Variants in IZUMO2 observed in about 807,000 individuals in gnomAD.
IZUMO2 encodes the protein izumo sperm-egg fusion protein 2.
Under a neutral mutation model 31.2 loss-of-function variants are expected in IZUMO2, and 24 were observed. The ratio of observed to expected loss-of-function variants is 0.77; its 90% confidence interval spans 0.56 to 1.08. The LOEUF is 1.08. IZUMO2 is among the 50% of genes least tolerant of loss of function. The pLI is 0.00. For missense variants in IZUMO2, 278 were observed against 274.0 expected (o/e 1.01, Z -0.10); for synonymous variants, 144 against 117.3 (o/e 1.23, Z -1.47).
chr19:50,161,916 C>T (rs568364587), intron 2 of IZUMO2, among the ~76,000 whole-genome samples: 1 of 152,218 alleles, frequency 6.6e-6, no homozygotes, highest in South Asian at 2.1e-4. Flanking sequence ...CCGCTCCCCC[C>T]CAAAAAAATT....
At chr19:50,160,245 G>A (rs1297572485) in intron 2 of IZUMO2, 6 of 152,164 alleles carry the variant, frequency 3.9e-5, no homozygotes, top group Admixed American at 3.9e-4. Context: ...GTAGCCACTA[G>A]CCACACATGG....
At chr19:50,158,126 T>C in intron 5 of IZUMO2, 142 bp downstream of exon 5, 1 of 475,114 alleles carries the variant, frequency 2.1e-6, no homozygotes, top group Admixed American at 4.1e-5. Flanking sequence ...CAGGAGCAAC[T>C]TCTGGGCCAC....
At chr19:50,152,770 C>T in intron 6 of IZUMO2, 119 bp from the exon 7 acceptor site, 1 of 860,586 alleles carries the variant, frequency 1.2e-6, no homozygotes, top group Non-Finnish European at 1.9e-6. Flanking sequence ...TTTGGCTCAT[C>T]CAGTGACGTC....
At position 50,162,990 on chromosome 19, in the gene IZUMO2, C is replaced by T. The variant is rs1417194030; in HGVS notation, c.205G>A (p.Ala69Thr). The change falls in exon 1 of 7, where the codon GCG becomes ACG. Residue 69 changes from alanine to threonine, a missense_variant. By Grantham distance (58) the Ala-to-Thr change is moderately conservative. Coordinates refer to ENST00000293405, the MANE Select transcript of IZUMO2 (RefSeq NM_152358.3). ...GMEGPFFRDY[A>T]LNVFVGKVET... The stretch of plus-strand genomic sequence containing the variant: ...ACTTTCCCCACAAACACGTTCAGCG[C>T]GTAGTCCCGGAAGAAAGGCCCCTCC... The T allele has an allele frequency of 2.5e-6, 4 of 1,612,224 alleles. No homozygotes were observed. Among genetic ancestry groups the T allele is most frequent in the Non-Finnish European group, 3.4e-6 (4 of 1,179,102 alleles).
At position 50,162,997 on chromosome 19, in the gene IZUMO2, C is replaced by T. The variant is rs1257794430; in HGVS notation, c.198G>A (p.Arg66=). ...CCACAAACACGTTCAGCGCGTAGTC[C>T]CGGAAGAAAGGCCCCTCCATGCCCA... ...VLMGMEGPFF[R]DYALNVFVGK... is the part of the protein sequence containing the mutation. Residue 66 remains arginine, a synonymous_variant, in exon 1 of 7, where the codon CGG becomes CGA. Transcript: ENST00000293405. 1.2e-6 allele frequency: 2 copies of T among 1,611,724 alleles called. No homozygotes were observed. The highest frequency in any genetic ancestry group is 2.7e-5 in the African/African-American group (2 of 74,832).
rs149521519 is a variant in IZUMO2 at position 50,155,904 on chromosome 19, C to T, written c.497-1178G>A. On this transcript the variant is annotated intron_variant, in intron 5 of 6. Coordinates refer to ENST00000293405, the MANE Select transcript of IZUMO2 (RefSeq NM_152358.3). ...ACCCTACTATTCTCTTTCATTCACT[C>T]GGCTCTGGCCACACTGGCCTTCTCC... Among the ~76,000 whole-genome samples, 633 of 152,324 alleles carry T rather than the reference C, an allele frequency of 4.2e-3. 5 individuals are homozygous for T. Among genetic ancestry groups the T allele is most frequent in the African/African-American group, 0.015 (610 of 41,566 alleles).
rs1422496251 is a variant in IZUMO2 at position 50,163,173 on chromosome 19, G to A, written c.22C>T (p.Leu8=). 1 of 1,555,498 alleles carries A rather than the reference G, an allele frequency of 6.4e-7. No individual in the cohort carries two copies. MPLALTL[L]LLSGLGAPGG... ...GGGGCGCCCAAGCCCGAGAGCAGCAGAAGGGTCAAAGCCAGAGGCATGGCG... is the reference window on the plus strand; with the variant it reads ...GGGGCGCCCAAGCCCGAGAGCAGCAAAAGGGTCAAAGCCAGAGGCATGGCG... Residue 8 remains leucine, a synonymous_variant, in exon 1 of 7, where the codon CTG becomes TTG. Coordinates refer to ENST00000293405, the MANE Select transcript of IZUMO2 (RefSeq NM_152358.3).
At chr19:50,157,588 C>T (rs1052987229) in intron 5 of IZUMO2, among the ~76,000 whole-genome samples, 1 of 149,492 alleles carries the variant, frequency 6.7e-6, no homozygotes, top group Non-Finnish European at 1.5e-5. Context: ...AGGCGTGAGC[C>T]ACTGCATGTT....
At chr19:50,154,872 T>G in intron 5 of IZUMO2, 146 bp from the exon 6 acceptor site, 1 of 816,892 alleles carries the variant, frequency 1.2e-6, no homozygotes, top group South Asian at 1.8e-5. Context: ...TTCCCTGCCC[T>G]CTCCTGGGGT....
In IZUMO2 at chr19:50,152,576, A is replaced by T. The variant is rs2030062362; in HGVS notation, c.*33T>A. On this transcript the variant is annotated 3_prime_UTR_variant, in exon 7 of 7. Transcript: ENST00000293405. ...ATTTGTCACCAATTTTATTAAATTT[A>T]TTTTCCTTTCTCCTTACCCCCAAAC... 2 of 1,590,706 alleles carry T rather than the reference A, an allele frequency of 1.3e-6. No homozygotes were observed. Among genetic ancestry groups the T allele is most frequent in the Non-Finnish European group, 1.7e-6 (2 of 1,158,902 alleles).
chr19:50,162,793 C>A lies in IZUMO2; in HGVS notation c.253G>T (p.Val85Leu), dbSNP rs1600816636. The change falls in exon 2 of 7, where the codon GTG becomes TTG. Residue 85 changes from valine (V) to leucine (L), a missense_variant. Physicochemically the swap from Val to Leu is conservative, Grantham distance 32 (BLOSUM62 1). Transcript: ENST00000293405. The part of the protein sequence containing the change: ...GKVETNQLDL[V>L]ASFVKNQTQH... Reference sequence around the variant, plus strand: ...GTTTGGTTCTTGACAAAGGACGCCACAAGGTCCAGTTGATTTGTCTCTGGG... The same window carrying A: ...GTTTGGTTCTTGACAAAGGACGCCAAAAGGTCCAGTTGATTTGTCTCTGGG... 6.2e-7 allele frequency: 1 copy of A among 1,613,930 alleles called. No homozygotes were observed. The highest frequency in any genetic ancestry group is 1.1e-5 in the South Asian group (1 of 91,080).
rs1222907220 is a variant in IZUMO2 at position 50,163,047 on chromosome 19, G to T, written c.148C>A (p.Gln50Lys). The change falls in exon 1 of 7, where the codon CAG becomes AAG. Residue 50 changes from glutamine (Q) to lysine (K), a missense_variant. Gln to Lys is a moderately conservative substitution (Grantham distance 53). Coordinates refer to ENST00000293405, the MANE Select transcript of IZUMO2 (RefSeq NM_152358.3). Reference protein sequence around the residue: ...IPSRFQLEQLQARAGAVLMGM... With the variant: ...IPSRFQLEQLKARAGAVLMGM... ...ATCAGCACGGCCCCGGCGCGCGCCTGCAGCTGCTCCAACTGGAAGCGACTG... is the reference window on the plus strand; with the variant it reads ...ATCAGCACGGCCCCGGCGCGCGCCTTCAGCTGCTCCAACTGGAAGCGACTG... 3 of 1,612,968 alleles carry T rather than the reference G, an allele frequency of 1.9e-6. No individual in the cohort carries two copies. The highest frequency in any genetic ancestry group is 2.5e-6 in the Non-Finnish European group (3 of 1,179,236).
chr19:50,158,278 CT>C lies in IZUMO2; in HGVS notation c.485del (p.Lys162SerfsTer67). 6.2e-7 allele frequency: 1 copy of C among 1,608,578 alleles called. No individual in the cohort carries two copies. The highest frequency in any genetic ancestry group is 2.2e-5 in the East Asian group (1 of 44,504). ...QRITPKCIHK[K>X]YCFVDRQPRV... ...CCCCCAGAAGCTTACCAAAGCAGTA[CT>C]TTTTGTGGATACACTTGGGAGTGAT... On this transcript the variant is annotated frameshift_variant, in exon 5 of 7. Transcript: ENST00000293405. LOFTEE classifies it high-confidence loss of function.
intron 5 of IZUMO2, among the ~76,000 whole-genome samples, chr19:50,155,423 G>C (rs1472740117): frequency 1.3e-5 from 2 of 152,156 alleles, no homozygotes; most frequent in Non-Finnish European, 2.9e-5. Flanking sequence ...ACAAAAACCA[G>C]AGACACCATG....
chr19:50,156,866 T>G (rs2030228847), intron 5 of IZUMO2, among the ~76,000 whole-genome samples: 1 of 152,176 alleles, frequency 6.6e-6, no homozygotes. Flanking sequence ...GAACACTGGT[T>G]TGAACAAATC....
At chr19:50,153,313 CTTCTGCTTTCAGAA>C (rs2123043342) in intron 6 of IZUMO2, among the ~76,000 whole-genome samples, 1 of 152,300 alleles carries the variant, frequency 6.6e-6, no homozygotes, top group Admixed American at 6.5e-5. Context: ...TGATTTCAGA[CTTCTGCTTTCAGAA>C]CCCAGAGAAT....
intron 5 of IZUMO2, among the ~76,000 whole-genome samples, chr19:50,155,791 C>A (rs566479854): frequency 6.6e-6 from 1 of 152,164 alleles, no homozygotes; most frequent in Non-Finnish European, 1.5e-5. Context: ...CATGGCCCCC[C>A]ATCTCAGAAT....
rs1279478754 is a variant in IZUMO2, at chr19:50,153,469, A to G, written c.624-818T>C. Among the ~76,000 whole-genome samples, 3 of 152,196 alleles carry G rather than the reference A, an allele frequency of 2.0e-5. No individual in the cohort carries two copies. The East Asian group carries it at 5.8e-4, about 29-fold the overall frequency. ...GCTGAGCAAGTTCACAGTGAGAGGT[A>G]GCCTGCACGGAGCACTCCCCATGCG... On this transcript the variant is annotated intron_variant, in intron 6 of 6. Transcript: ENST00000293405.
chr19:50,162,622 A>T (rs1315061382), intron 2 of IZUMO2, 117 bp downstream of exon 2: 1 of 707,762 alleles, frequency 1.4e-6, no homozygotes, highest in Non-Finnish European at 2.3e-6. Context: ...CTTAAAAAAG[A>T]AAAAAAAAAG....
Sources: allele counts gnomAD v4.1 joint callset (sites outside exome capture counted in the v4.1 genomes callset), GRCh38; gene constraint gnomAD v4.1.1; transcripts MANE v1.5; gene names NCBI Gene and HGNC (gene_info 2026-07-23, HGNC 2026-07-21).